TRIM50: variants seen among roughly 807,000 people sequenced by gnomAD.
The protein encoded by TRIM50 is tripartite motif containing 50, also known as E3 ubiquitin-protein ligase TRIM50.
A neutral mutation model predicts 44.9 loss-of-function variants in TRIM50; 34 were observed. The ratio of observed to expected loss-of-function variants is 0.76; its 90% CI spans 0.58 to 1.01. The LOEUF is 1.01. Ranked by LOEUF, TRIM50 falls within the 50% of genes least tolerant of loss-of-function variation. The pLI, the probability that TRIM50 is intolerant of heterozygous loss-of-function variation, is 0.00. For synonymous variants in TRIM50, 307 were observed against 291.1 expected (o/e 1.05, Z -0.56); for missense variants, 633 against 663.7 (o/e 0.95, Z 0.51).
chr7:73,316,593 C>A lies in TRIM50; in HGVS notation c.846G>T (p.Trp282Cys), dbSNP rs200611061. 1 of 1,614,208 alleles carries A rather than the reference C, an allele frequency of 6.2e-7. No individual in the cohort carries two copies. Among genetic ancestry groups the A allele is most frequent in the African/African-American group, 1.3e-5 (1 of 75,060 alleles). ...GCAAAACTTTCCGGAAGAGCCTTTT[C>A]CACACGGTCAGCTTGATGTCAGCCT... ...LHQADIKLTVWKRLFRKVLPA... is the reference protein window; with the variant it reads ...LHQADIKLTVCKRLFRKVLPA... Residue 282 changes from tryptophan to cysteine, a missense_variant, in exon 6 of 7, where the codon TGG becomes TGT. By Grantham distance (215) the Trp-to-Cys change is radical. Transcript: ENST00000333149.
At position 73,325,821 on chromosome 7, in the gene TRIM50, T is replaced by C. The variant is rs368600041; in HGVS notation, c.-18-1016A>G. Among the ~76,000 whole-genome samples the C allele has an allele frequency of 4.7e-4, 69 of 146,530 alleles. 2 individuals carry two copies. The East Asian group carries it at 0.01, about 22-fold the overall frequency. On this transcript the variant is annotated intron_variant, in intron 1 of 6. Transcript: ENST00000333149. ...ACCTCATGACCCCAACAGGAGCAGA[T>C]AGGTGCTGGGAAACAGTTCTTTCTG...
chr7:73,324,156 A>C (rs1804557410), intron 2 of TRIM50, among the ~76,000 whole-genome samples: 1 of 152,212 alleles, frequency 6.6e-6, no homozygotes, highest in Admixed American at 6.5e-5. Flanking sequence ...AAATAAAAAA[A>C]CAGGAAGGGG....
intron 1 of TRIM50, 48 bp from the exon 2 acceptor site, chr7:73,324,853 G>A: frequency 1.2e-6 from 2 of 1,604,942 alleles, no homozygotes; most frequent in South Asian, 1.1e-5. Flanking sequence ...CCCTCCCCCT[G>A]TCCAGCACTC....
intron 2 of TRIM50, among the ~76,000 whole-genome samples, chr7:73,321,566 TCTC>T (rs1481625694): frequency 2.0e-5 from 3 of 152,030 alleles, no homozygotes; most frequent in African/African-American, 7.2e-5. Flanking sequence ...TAAATGCACT[TCTC>T]CTGGACTGCC....
intron 2 of TRIM50, among the ~76,000 whole-genome samples, chr7:73,324,002 T>C (rs1247522620): frequency 6.6e-6 from 1 of 150,942 alleles, no homozygotes; most frequent in South Asian, 2.1e-4. Context: ...ATCACACCAC[T>C]GCACTCCAGC....
At chr7:73,321,596 C>T (rs1225135393) in intron 2 of TRIM50, among the ~76,000 whole-genome samples, 3 of 152,178 alleles carry the variant, frequency 2.0e-5, no homozygotes, top group African/African-American at 7.2e-5. Context: ...CCAAACCTGA[C>T]CTAGCCTTGG....
At chr7:73,318,247 G>T (rs1194434225) in intron 5 of TRIM50, among the ~76,000 whole-genome samples, 2 of 152,188 alleles carry the variant, frequency 1.3e-5, no homozygotes, top group African/African-American at 4.8e-5. Context: ...TCCCGCCTCA[G>T]CCTCATGAGT....
chr7:73,314,131 G>C, intron 6 of TRIM50: 1 of 370,800 alleles, frequency 2.7e-6, no homozygotes, highest in South Asian at 2.8e-5. Context: ...GAAGGCCAAG[G>C]GGAAGAAGGT....
rs546407898 is a variant in TRIM50 at position 73,319,120 on chromosome 7, G to A, written c.496-68C>T. ...TGCCAGGCTCTGTCTGGCTGGCCTC[G>A]GTGTCCCCAGGGCCTTCCTGACCGG... is the stretch of plus-strand genomic sequence containing the variant. On this transcript the variant is annotated intron_variant, in intron 3 of 6. Coordinates refer to ENST00000333149, the MANE Select transcript of TRIM50 (RefSeq NM_178125.3). The A allele has an allele frequency of 4.0e-4, 643 of 1,612,030 alleles. 4 individuals carry two copies. In the South Asian group the frequency reaches 5.4e-3, roughly 14 times the overall value.
At position 73,324,617 on chromosome 7, in the gene TRIM50, C is replaced by G. The variant is rs570584254; in HGVS notation, c.171G>C (p.Arg57=). The G allele has an allele frequency of 6.2e-7, 1 of 1,614,158 alleles. No individual in the cohort carries two copies. Among genetic ancestry groups the G allele is most frequent in the African/African-American group, 1.3e-5 (1 of 75,068 alleles). ...GGGAGCTGCTGCCGTCCACCGCCTG[C>G]CGGCACACGGGGCAGCGCAGCTCGG... ...LDAELRCPVC[R]QAVDGSSSLP... The change falls in exon 2 of 7, where the codon CGG becomes CGC. Residue 57 remains arginine, a synonymous_variant. Coordinates refer to ENST00000333149, the MANE Select transcript of TRIM50 (RefSeq NM_178125.3).
chr7:73,313,698 A>G lies in TRIM50; in HGVS notation c.875-188T>C, dbSNP rs1804292074. 6.6e-6 allele frequency among the ~76,000 whole-genome samples: 1 copy of G among 152,112 alleles called. No individual in the cohort carries two copies. Among genetic ancestry groups the G allele is most frequent in the Admixed American group, 6.5e-5 (1 of 15,268 alleles). On this transcript the variant is annotated intron_variant, in intron 6 of 6. Transcript: ENST00000333149. This position sits in a 1 kb window ranked among gnomAD's most constrained non-coding sequence, Gnocchi z 4.9. ...AATGAATGAATGAATGAATGAATGA[A>G]TGAATGAATGAAGTTTTACATAAGG...
Position 73,313,160 on chromosome 7 carries a change from C to T in TRIM50, c.1225G>A (p.Gly409Ser), listed in dbSNP as rs111279110. 4,082 of 1,587,580 alleles carry T rather than the reference C, an allele frequency of 2.6e-3. 10 individuals are homozygous for T. Among genetic ancestry groups the T allele is most frequent in the Non-Finnish European group, 3.3e-3 (3,904 of 1,167,254 alleles). The change falls in exon 7 of 7, where the codon GGC becomes AGC. Residue 409 changes from glycine to serine, a missense_variant. Gly to Ser is a moderately conservative substitution (Grantham distance 56). Transcript: ENST00000333149. This position sits in a 1 kb window ranked among gnomAD's most constrained non-coding sequence, Gnocchi z 4.9. The part of the protein sequence containing the change: ...ACPRVPLPVA[G>S]HPHRIGLYLH... Reference sequence around the variant, plus strand: ...TAGAGCCCGATGCGGTGGGGGTGGCCGGCCACGGGCAGGGGTACCCGGGGG... The same window carrying T: ...TAGAGCCCGATGCGGTGGGGGTGGCTGGCCACGGGCAGGGGTACCCGGGGG...
chr7:73,324,631 A>G lies in TRIM50; in HGVS notation c.157T>C (p.Cys53Arg). ...TCCACCGCCTGCCGGCACACGGGGC[A>G]GCGCAGCTCGGCATCCAGGTGGCAG... is the stretch of plus-strand genomic sequence containing the variant. ...LSCHLDAELRCPVCRQAVDGS... is the reference protein window; with the variant it reads ...LSCHLDAELRRPVCRQAVDGS... Residue 53 changes from cysteine (C) to arginine (R), a missense_variant, in exon 2 of 7, where the codon TGC becomes CGC. Transcript: ENST00000333149. The G allele has an allele frequency of 1.2e-6, 2 of 1,614,198 alleles. No homozygotes were observed. Among genetic ancestry groups the G allele is most frequent in the Non-Finnish European group, 1.7e-6 (2 of 1,180,026 alleles).
intron 2 of TRIM50, among the ~76,000 whole-genome samples, chr7:73,323,717 C>T (rs1401519746): frequency 2.0e-5 from 3 of 152,146 alleles, no homozygotes; most frequent in Non-Finnish European, 2.9e-5. Context: ...CCCTCATGCA[C>T]CATAGAGTGC....
intron 2 of TRIM50, among the ~76,000 whole-genome samples, chr7:73,322,523 C>T (rs1804520271): frequency 6.6e-6 from 1 of 152,180 alleles, no homozygotes; most frequent in Non-Finnish European, 1.5e-5. Flanking sequence ...ACCTTCCATA[C>T]TCCCCTAAAC....
chr7:73,316,530 C>A, intron 6 of TRIM50, 35 bp downstream of exon 6: 1 of 1,611,800 alleles, frequency 6.2e-7, no homozygotes, highest in Non-Finnish European at 8.5e-7. Flanking sequence ...CCCTGGGCGG[C>A]AGCCCTCAGG....
Position 73,312,607 on chromosome 7 carries a change from A to T in TRIM50, c.*314T>A. 1.2e-5 allele frequency: 4 copies of T among 337,456 alleles called. No individual in the cohort carries two copies. The highest frequency in any genetic ancestry group is 4.8e-5 in the East Asian group (1 of 20,766). 20.9% of individuals were successfully genotyped at this position (337,456 alleles called of 1,614,324 possible). On this transcript the variant is annotated 3_prime_UTR_variant, in exon 7 of 7. Coordinates refer to ENST00000333149, the MANE Select transcript of TRIM50 (RefSeq NM_178125.3). Reference sequence around the variant, plus strand: ...TTGAAAGTTCACAGTAATATGGAAAAGGTATACATGGGACTATTTCTGCCC... The same window carrying T: ...TTGAAAGTTCACAGTAATATGGAAATGGTATACATGGGACTATTTCTGCCC...
chr7:73,326,138 C>T (rs1391801059), intron 1 of TRIM50, among the ~76,000 whole-genome samples: 3 of 152,244 alleles, frequency 2.0e-5, no homozygotes, highest in Non-Finnish European at 2.9e-5. Context: ...AATCCTCCCA[C>T]CTTGGCCTCC....
intron 3 of TRIM50, among the ~76,000 whole-genome samples, chr7:73,319,279 T>C (rs1163316246): frequency 6.6e-6 from 1 of 151,662 alleles, no homozygotes; most frequent in Non-Finnish European, 1.5e-5. Flanking sequence ...ATGGAGAGGC[T>C]CTGTTTTGGC....
Sources: allele counts gnomAD v4.1 joint callset (sites outside exome capture counted in the v4.1 genomes callset), GRCh38; gene constraint gnomAD v4.1.1; non-coding constraint Gnocchi (gnomAD v3.1); transcripts MANE v1.5; gene names NCBI Gene and HGNC (gene_info 2026-07-23, HGNC 2026-07-21).